FLACC1: variants seen among roughly 807,000 people sequenced by gnomAD.
FLACC1 encodes the protein flagellum associated containing coiled-coil domains 1, also known as flagellum-associated coiled-coil domain-containing protein 1.
FLACC1 carries 66 observed loss-of-function variants against 62.8 expected under a neutral mutation model. That is an observed-to-expected ratio of 1.05 (90% CI 0.86 to 1.29). The LOEUF is 1.29. FLACC1 is among the 50% of genes most tolerant of loss of function. The pLI is 0.00. For missense variants in FLACC1, 452 were observed against 489.1 expected (o/e 0.92, Z 0.71); for synonymous variants, 156 against 161.0 (o/e 0.97, Z 0.24).
intron 13 of FLACC1, 46 bp downstream of exon 13, chr2:201,289,650 C>T: frequency 6.2e-7 from 1 of 1,611,390 alleles, no homozygotes; most frequent in Non-Finnish European, 8.5e-7. Flanking sequence ...GGATGGAGAC[C>T]TGGGTTCTTC....
chr2:201,301,284 G>A (rs1200687045), intron 11 of FLACC1, among the ~76,000 whole-genome samples: 4 of 152,174 alleles, frequency 2.6e-5, no homozygotes, highest in Non-Finnish European at 4.4e-5. Context: ...TGTGATGCAC[G>A]CACAAGCTTC....
At chr2:201,340,023 C>A (rs1022688866) in intron 7 of FLACC1, among the ~76,000 whole-genome samples, 2 of 152,122 alleles carry the variant, frequency 1.3e-5, no homozygotes, top group African/African-American at 4.8e-5. Context: ...TGGTCTTGTC[C>A]TCAGGCCCAT....
chr2:201,330,599 T>G, intron 8 of FLACC1, 77 bp from the exon 9 acceptor site: 1 of 1,549,982 alleles, frequency 6.5e-7, no homozygotes, highest in Non-Finnish European at 8.9e-7. Context: ...TGAGTTCTTC[T>G]GCACACCTTC....
At chr2:201,315,227 A>G (rs1205099763) in intron 9 of FLACC1, among the ~76,000 whole-genome samples, 4 of 152,228 alleles carry the variant, frequency 2.6e-5, no homozygotes, top group Admixed American at 2.6e-4. Context: ...TTGAATATAA[A>G]TGGCCTAAAT....
intron 7 of FLACC1, 133 bp from the exon 8 acceptor site, chr2:201,330,966 T>TAA: frequency 1.6e-6 from 1 of 610,826 alleles, no homozygotes; most frequent in Non-Finnish European, 2.6e-6. Flanking sequence ...TTAAAATTTT[T>TAA]AAATCTTTTT....
chr2:201,306,440 G>A (rs1950109033), intron 11 of FLACC1, among the ~76,000 whole-genome samples: 1 of 152,136 alleles, frequency 6.6e-6, no homozygotes, highest in South Asian at 2.1e-4. Flanking sequence ...ACTCAATGGG[G>A]AAAGGAAAGT....
intron 12 of FLACC1, among the ~76,000 whole-genome samples, chr2:201,291,016 A>G (rs189284124): frequency 2.0e-5 from 3 of 152,330 alleles, no homozygotes; most frequent in Non-Finnish European, 4.4e-5. Flanking sequence ...TGAGTAGGTA[A>G]ACAAAGTGGC....
chr2:201,300,969 G>T (rs1327755726), intron 11 of FLACC1, among the ~76,000 whole-genome samples: 1 of 152,156 alleles, frequency 6.6e-6, no homozygotes, highest in Non-Finnish European at 1.5e-5. Context: ...CACAAAGATG[G>T]GGGGAAACCA....
In FLACC1 at chr2:201,355,093, T is replaced by C. The variant is rs547735075; in HGVS notation, c.-48+1889A>G. 4.9e-4 allele frequency among the ~76,000 whole-genome samples: 75 copies of C among 152,268 alleles called. 3 individuals are homozygous for C. In the South Asian group the frequency reaches 0.014, roughly 29 times the overall value. On this transcript the variant is annotated intron_variant, in intron 1 of 14. Transcript: ENST00000392257. ...TGACGCCAGGAGTTCGAGACCAGCCTAGCCAACAGGGCGAAACCCCGTCTC... is the reference window on the plus strand; with the variant it reads ...TGACGCCAGGAGTTCGAGACCAGCCCAGCCAACAGGGCGAAACCCCGTCTC...
intron 1 of FLACC1, among the ~76,000 whole-genome samples, chr2:201,356,459 C>T (rs2125630237): frequency 6.6e-6 from 1 of 152,328 alleles, no homozygotes; most frequent in South Asian, 2.1e-4. Flanking sequence ...CGTGCCCTGC[C>T]TATATGGCAG....
At position 201,344,301 on chromosome 2, in the gene FLACC1, T is replaced by C. The variant is rs200471029; in HGVS notation, c.369-38A>G. On this transcript the variant is annotated intron_variant, in intron 5 of 14. Transcript: ENST00000392257. ...TAATTCTTCTATCATCCACAAAGCTTACCATTCCATGCCATTCAGGCCCCT... is the reference window on the plus strand; with the variant it reads ...TAATTCTTCTATCATCCACAAAGCTCACCATTCCATGCCATTCAGGCCCCT... 8 of 1,539,782 alleles carry C rather than the reference T, an allele frequency of 5.2e-6. No homozygotes were observed. In the African/African-American group the frequency reaches 8.2e-5, roughly 16 times the overall value.
Position 201,299,280 on chromosome 2 carries a change from T to C in FLACC1, c.900A>G (p.Gln300=), listed in dbSNP as rs138471870. Residue 300 remains glutamine, a synonymous_variant, in exon 12 of 15, where the codon CAA becomes CAG. Coordinates refer to ENST00000392257, the MANE Select transcript of FLACC1 (RefSeq NM_001127391.3). ...QEKEELLKQH[Q]SDTLQLEELR... Reference sequence around the variant, plus strand: ...GCTCTTCTAATTGCAAGGTGTCACTTTGATGTTGTTTCAAGAGCTCCTAAA... The same window carrying C: ...GCTCTTCTAATTGCAAGGTGTCACTCTGATGTTGTTTCAAGAGCTCCTAAA... 9.7e-5 allele frequency: 156 copies of C among 1,613,728 alleles called. No individual in the cohort carries two copies. In the Middle Eastern group the frequency reaches 3.0e-3, roughly 31 times the overall value.
At chr2:201,339,694 C>T (rs956763255) in intron 7 of FLACC1, among the ~76,000 whole-genome samples, 2 of 152,002 alleles carry the variant, frequency 1.3e-5, no homozygotes, top group Non-Finnish European at 2.9e-5. Context: ...GTTTAATTTC[C>T]ATGCGTTTGT....
At chr2:201,355,120 A>G (rs956955465) in intron 1 of FLACC1, among the ~76,000 whole-genome samples, 3 of 152,138 alleles carry the variant, frequency 2.0e-5, no homozygotes, top group Non-Finnish European at 4.4e-5. Flanking sequence ...CCCCGTCTCT[A>G]CTAAAAACAC....
chr2:201,320,006 A>G (rs761373491), intron 9 of FLACC1, among the ~76,000 whole-genome samples: 2 of 152,230 alleles, frequency 1.3e-5, no homozygotes, highest in Non-Finnish European at 2.9e-5. Context: ...CCCACTGTGG[A>G]CCCTGAAAGT....
chr2:201,346,742 C>T lies in FLACC1; in HGVS notation c.235-67G>A. 2.6e-6 allele frequency: 4 copies of T among 1,556,654 alleles called. No homozygotes were observed. The highest frequency in any genetic ancestry group is 2.2e-5 in the South Asian group (2 of 89,820). On this transcript the variant is annotated intron_variant, in intron 4 of 14. Transcript: ENST00000392257. The surrounding 1 kb of genome is among the most constrained non-coding windows in gnomAD (Gnocchi z 4.0). Reference sequence around the variant, plus strand: ...GTGCTGAGATTTTTCCAAATCTTCTCTTATTGCCTCACTCACATCTTAAAA... The same window carrying T: ...GTGCTGAGATTTTTCCAAATCTTCTTTTATTGCCTCACTCACATCTTAAAA...
Position 201,346,184 on chromosome 2 carries a change from A to G in FLACC1, c.368+358T>C, listed in dbSNP as rs563828897. Among the ~76,000 whole-genome samples, 5 of 152,054 alleles carry G rather than the reference A, an allele frequency of 3.3e-5. No homozygotes were observed. The highest frequency in any genetic ancestry group is 9.6e-5 in the African/African-American group (4 of 41,488). On this transcript the variant is annotated intron_variant, in intron 5 of 14. Transcript: ENST00000392257. This position sits in a 1 kb window ranked among gnomAD's most constrained non-coding sequence, Gnocchi z 4.0. ...TGTCTCAAAAAAAAAAGTGCACTCC[A>G]GCCACCCAGAAACCCTCACTTTACT...
chr2:201,349,712 T>G (rs1185164093), intron 3 of FLACC1, among the ~76,000 whole-genome samples: 2 of 152,232 alleles, frequency 1.3e-5, no homozygotes, highest in Non-Finnish European at 2.9e-5. Flanking sequence ...AAAACCAAGA[T>G]GCAACCCATA....
At chr2:201,354,769 C>A (rs1951087992) in intron 1 of FLACC1, among the ~76,000 whole-genome samples, 1 of 152,174 alleles carries the variant, frequency 6.6e-6, no homozygotes. Flanking sequence ...TAGCAGGAGT[C>A]CATGGGGCAA....
Sources: allele counts gnomAD v4.1 joint callset (sites outside exome capture counted in the v4.1 genomes callset), GRCh38; gene constraint gnomAD v4.1.1; non-coding constraint Gnocchi (gnomAD v3.1); transcripts MANE v1.5; gene names NCBI Gene and HGNC (gene_info 2026-07-23, HGNC 2026-07-21).